The following PCDH11X variants were observed in gnomAD, a reference collection of about 807,000 sequenced individuals.
The protein encoded by PCDH11X is protocadherin-11 X-linked.
A neutral mutation model predicts 53.3 loss-of-function variants in PCDH11X; 18 were observed. The ratio of observed to expected loss-of-function variants is 0.34; its 90% CI spans 0.23 to 0.50. The LOEUF (loss-of-function observed/expected upper bound fraction) is 0.50. PCDH11X is among the 20% of genes least tolerant of loss of function. The probability of loss-of-function intolerance (pLI) is 0.98; values close to 1 mark genes in which losing one functional copy is unlikely to be tolerated. For synonymous variants in PCDH11X, 279 were observed against 393.3 expected (o/e 0.71, Z 3.44); for missense variants, 570 against 1,032.4 (o/e 0.55, Z 6.14).
chrX:92,066,022 T>A (rs1462514197), intron 6 of PCDH11X, among the ~76,000 whole-genome samples: 1 of 110,237 alleles, frequency 9.1e-6, no homozygotes, highest in South Asian at 3.9e-4. Context: ...TTTGATTTGA[T>A]ATTTTTGTAA....
chrX:92,315,799 G>A (rs966800942), intron 8 of PCDH11X, among the ~76,000 whole-genome samples: 4 of 109,896 alleles, frequency 3.6e-5, no homozygotes, highest in African/African-American at 1.3e-4. Flanking sequence ...GCCTCCCAAA[G>A]TGCTGGGATT....
At chrX:92,211,610 T>C (rs1003138547) in intron 7 of PCDH11X, among the ~76,000 whole-genome samples, 1 of 112,298 alleles carries the variant, frequency 8.9e-6, no homozygotes, top group Non-Finnish European at 1.9e-5. Flanking sequence ...TAATTCAATA[T>C]GTTAGCAGTA....
intron 4 of PCDH11X, among the ~76,000 whole-genome samples, chrX:91,816,036 G>A (rs1470525788): frequency 5.5e-5 from 6 of 109,021 alleles, no homozygotes; most frequent in African/African-American, 2.1e-4. Context: ...GCTGAGGCAG[G>A]AGAATCACTT....
At chrX:92,226,897 A>T (rs1329411358) in intron 7 of PCDH11X, among the ~76,000 whole-genome samples, 1 of 111,820 alleles carries the variant, frequency 8.9e-6, no homozygotes, top group African/African-American at 3.2e-5. Context: ...AAAGAGGCAG[A>T]TGGACTCTCA....
chrX:91,867,638 G>A (rs1939059050), intron 5 of PCDH11X, among the ~76,000 whole-genome samples: 1 of 110,115 alleles, frequency 9.1e-6, no homozygotes, highest in Non-Finnish European at 1.9e-5. Context: ...CAACTGGATA[G>A]ACCTTATAAA....
At chrX:92,573,980 G>A (rs1040714228) in intron 10 of PCDH11X, among the ~76,000 whole-genome samples, 3 of 110,152 alleles carry the variant, frequency 2.7e-5, no homozygotes, top group Non-Finnish European at 5.7e-5. Context: ...GGCTTTTCCC[G>A]GCAGAATTGT....
At chrX:92,522,405 T>C (rs1189712983) in intron 10 of PCDH11X, among the ~76,000 whole-genome samples, 1 of 111,293 alleles carries the variant, frequency 9.0e-6, no homozygotes. Flanking sequence ...AGGCCTGGTT[T>C]GTGGTATCCA....
chrX:92,149,728 A>AC (rs1017441556), intron 6 of PCDH11X, among the ~76,000 whole-genome samples: 1 of 110,603 alleles, frequency 9.0e-6, no homozygotes, highest in African/African-American at 3.3e-5. Flanking sequence ...GTTTCCTCAT[A>AC]CCCTTTTGCA....
At chrX:92,069,287 T>C (rs1346963936) in intron 6 of PCDH11X, among the ~76,000 whole-genome samples, 1 of 109,873 alleles carries the variant, frequency 9.1e-6, no homozygotes, top group African/African-American at 3.3e-5. Context: ...TCACTATACA[T>C]ACTCCTGCTC....
At chrX:91,952,147 C>T (rs971162857) in intron 6 of PCDH11X, among the ~76,000 whole-genome samples, 1 of 111,516 alleles carries the variant, frequency 9.0e-6, no homozygotes, top group African/African-American at 3.3e-5. Flanking sequence ...TCGTGAATAT[C>T]TGTTCCGTAT....
intron 4 of PCDH11X, among the ~76,000 whole-genome samples, chrX:91,830,886 C>T (rs1371748190): frequency 1.8e-5 from 2 of 111,283 alleles, no homozygotes; most frequent in African/African-American, 6.5e-5. Context: ...GTTTGTTGTT[C>T]TAGCATATGA....
chrX:92,490,791 A>G (rs1009341527), intron 10 of PCDH11X, among the ~76,000 whole-genome samples: 1 of 104,651 alleles, frequency 9.6e-6, no homozygotes, highest in Admixed American at 1.1e-4. Context: ...AAGAAAGAAA[A>G]GAAAGAGAAA....
At chrX:91,938,588 G>T (rs2061473207) in intron 6 of PCDH11X, among the ~76,000 whole-genome samples, 1 of 110,298 alleles carries the variant, frequency 9.1e-6, no homozygotes, top group African/African-American at 3.3e-5. Flanking sequence ...TCTCCCTTGG[G>T]TATTCATCAG....
Position 92,100,534 on chromosome X carries a change from G to T in PCDH11X, c.3034-100841G>T, listed in dbSNP as rs1311166186. On this transcript the variant is annotated intron_variant, in intron 6 of 10. Transcript: ENST00000682573. ...ATGTCATCACTTAAGGCAAGGACCG[G>T]CCATTTACACTTCTGTTGTGGTGGA... Among the ~76,000 whole-genome samples the T allele has an allele frequency of 3.6e-5, 4 of 110,366 alleles. No individual in the cohort carries two copies. The East Asian group carries it at 8.5e-4, about 24-fold the overall frequency.
At chrX:91,990,596 A>G (rs1360909829) in intron 6 of PCDH11X, among the ~76,000 whole-genome samples, 1 of 111,593 alleles carries the variant, frequency 9.0e-6, no homozygotes, top group Non-Finnish European at 1.9e-5. Context: ...TTTCTGCTTT[A>G]GCAGGCCTTA....
At chrX:92,073,049 G>A (rs866295681) in intron 6 of PCDH11X, among the ~76,000 whole-genome samples, 2 of 110,936 alleles carry the variant, frequency 1.8e-5, no homozygotes, top group Non-Finnish European at 3.8e-5. Flanking sequence ...GGCTGAGTTC[G>A]GCATTTATTT....
chrX:92,115,447 G>C (rs1017915325), intron 6 of PCDH11X, among the ~76,000 whole-genome samples: 50 of 110,484 alleles, frequency 4.5e-4, no homozygotes. Context: ...GGGTTTTCTA[G>C]AGGGACAGAA....
chrX:92,183,114 C>T (rs2066024853), intron 6 of PCDH11X, among the ~76,000 whole-genome samples: 1 of 111,560 alleles, frequency 9.0e-6, no homozygotes, highest in African/African-American at 3.3e-5. Flanking sequence ...TAGATCCAAC[C>T]AGTTTTTATT....
intron 7 of PCDH11X, among the ~76,000 whole-genome samples, chrX:92,216,192 A>G (rs945696958): frequency 9.0e-6 from 1 of 110,997 alleles, no homozygotes; most frequent in African/African-American, 3.3e-5. Context: ...GCAACGGAAC[A>G]AAGCTGGACA....
Sources: gnomAD v4.1 joint callset for allele counts (sites outside exome capture counted in the v4.1 genomes callset) on GRCh38, gnomAD v4.1.1 for gene constraint, MANE v1.5 for transcripts, NCBI Gene and HGNC (gene_info 2026-07-23, HGNC 2026-07-21) for gene names.